Variants in ASAP1 observed in about 807,000 individuals in gnomAD.
ASAP1 encodes arf-GAP with SH3 domain, ANK repeat and PH domain-containing protein 1.
Under a neutral mutation model 145.2 loss-of-function variants are expected in ASAP1, and 43 were observed. The ratio of observed to expected loss-of-function variants is 0.30; its 90% CI spans 0.23 to 0.38. The LOEUF is 0.38. Ranked by LOEUF, ASAP1 falls within the 10% of genes least tolerant of loss-of-function variation. The probability of loss-of-function intolerance (pLI) is 1.00; values close to 1 mark genes in which losing one functional copy is unlikely to be tolerated. For synonymous variants in ASAP1, 546 were observed against 515.5 expected (o/e 1.06, Z -0.80); for missense variants, 1,018 against 1,355.3 (o/e 0.75, Z 3.91).
intron 5 of ASAP1, among the ~76,000 whole-genome samples, chr8:130,199,459 T>G (rs973750647): frequency 4.6e-5 from 7 of 152,172 alleles, no homozygotes; most frequent in Admixed American, 1.3e-4. Flanking sequence ...ACAGAAGAGT[T>G]AGAACTGCTC....
chr8:130,165,140 A>T (rs539781372), intron 11 of ASAP1, among the ~76,000 whole-genome samples: 102 of 152,338 alleles, frequency 6.7e-4, no homozygotes, highest in Middle Eastern at 6.8e-3. Context: ...TTCATCATGT[A>T]CACATTCCTT....
At chr8:130,184,157 T>C (rs1017398473) in intron 7 of ASAP1, among the ~76,000 whole-genome samples, 25 of 152,190 alleles carry the variant, frequency 1.6e-4, no homozygotes, top group Admixed American at 1.6e-3. Context: ...TCAATCCTAT[T>C]CTACCATTCA....
At chr8:130,179,950 T>G (rs1814231631) in intron 8 of ASAP1, among the ~76,000 whole-genome samples, 1 of 146,146 alleles carries the variant, frequency 6.8e-6, no homozygotes, top group African/African-American at 2.5e-5. Flanking sequence ...AGCCAAAGGG[T>G]TATGAAACAG....
Position 130,115,630 on chromosome 8 carries a change from T to C in ASAP1, c.2170A>G (p.Lys724Glu). 2 of 1,611,556 alleles carry C rather than the reference T, an allele frequency of 1.2e-6. No individual in the cohort carries two copies. The highest frequency in any genetic ancestry group is 1.7e-6 in the Non-Finnish European group (2 of 1,177,810). Reference sequence around the variant, plus strand: ...TCGAGGACATAATTTACACTCACTTTGTCATCCAGATCATCATCGCTCTCA... The same window carrying C: ...TCGAGGACATAATTTACACTCACTTCGTCATCCAGATCATCATCGCTCTCA... ...IDESDDDLDD[K>E]PSPIKKERSP... Residue 724 changes from lysine to glutamate, a missense_variant and splice_region_variant, in exon 23 of 30, where the codon AAA (lysine) becomes GAA (glutamate). Around this residue, in one of 9 missense-constraint regions of ASAP1, gnomAD observed 353 missense variants for 375.4 expected, o/e 0.94. Transcript: ENST00000518721.
chr8:130,151,327 C>A (rs934057839), intron 13 of ASAP1, among the ~76,000 whole-genome samples: 2 of 121,742 alleles, frequency 1.6e-5, no homozygotes, highest in African/African-American at 6.4e-5. Flanking sequence ...GCCAAGACTG[C>A]ACCACTGCAC....
chr8:130,114,743 T>C (rs1374739168), intron 23 of ASAP1, among the ~76,000 whole-genome samples: 1 of 151,828 alleles, frequency 6.6e-6, no homozygotes, highest in Non-Finnish European at 1.5e-5. Context: ...TGTTATTTAC[T>C]TACTAATTAC....
rs139783202 is a variant in ASAP1 at position 130,179,275 on chromosome 8, A to G, written c.735T>C (p.His245=). Reference sequence around the variant, plus strand: ...AATATTCTACTCACTTGCACTGTGCATGGTAATACTTTATAAGATTCTGCA... The same window carrying G: ...AATATTCTACTCACTTGCACTGTGCGTGGTAATACTTTATAAGATTCTGCA... ...DLLQNLIKYY[H]AQCNFFQDGL... The change falls in exon 9 of 30, where the codon CAT becomes CAC. Residue 245 remains histidine, a synonymous_variant. Coordinates refer to ENST00000518721, the MANE Select transcript of ASAP1 (RefSeq NM_018482.4). The G allele has an allele frequency of 4.4e-5, 70 of 1,602,872 alleles. No homozygotes were observed. The African/African-American group carries it at 7.8e-4, about 18-fold the overall frequency.
intron 3 of ASAP1, among the ~76,000 whole-genome samples, chr8:130,268,298 A>G (rs891063070): frequency 4.7e-4 from 72 of 151,986 alleles, no homozygotes; most frequent in African/African-American, 1.5e-3. Flanking sequence ...CCAGCCTGGG[A>G]AACACAGCAA....
chr8:130,054,915 T>G, intron 29 of ASAP1, 110 bp from the exon 30 acceptor site: 1 of 831,748 alleles, frequency 1.2e-6, no homozygotes, highest in Admixed American at 1.8e-5. Flanking sequence ...GGCGGTGGAA[T>G]CCCAGGCTTA....
In ASAP1 at chr8:130,358,229, G is replaced by A; in HGVS notation, c.60-86C>T. The stretch of plus-strand genomic sequence containing the variant: ...GGCCGCGGGCCGCCCGGAGGCTCAT[G>A]AACCCCGGCGCGCAGCCCGCCACCC... On this transcript the variant is annotated intron_variant, in intron 2 of 29. Coordinates refer to ENST00000518721, the MANE Select transcript of ASAP1 (RefSeq NM_018482.4). This position sits in a 1 kb window ranked among gnomAD's most constrained non-coding sequence, Gnocchi z 4.1. 1 of 1,089,500 alleles carries A rather than the reference G, an allele frequency of 9.2e-7. No individual in the cohort carries two copies. The highest frequency in any genetic ancestry group is 1.2e-6 in the Non-Finnish European group (1 of 863,222). 67.5% of individuals were successfully genotyped at this position (1,089,500 alleles called of 1,614,324 possible).
intron 2 of ASAP1, among the ~76,000 whole-genome samples, chr8:130,380,238 G>C (rs892589867): frequency 1.3e-5 from 2 of 152,216 alleles, no homozygotes; most frequent in African/African-American, 4.8e-5. Flanking sequence ...TGCAGAGCAG[G>C]TTACCACTGA....
At chr8:130,383,963 T>C (rs1827896870) in intron 2 of ASAP1, among the ~76,000 whole-genome samples, 1 of 152,226 alleles carries the variant, frequency 6.6e-6, no homozygotes, top group African/African-American at 2.4e-5. Flanking sequence ...TTTCCAGAAC[T>C]GGCCACCTGC....
intron 3 of ASAP1, among the ~76,000 whole-genome samples, chr8:130,264,756 G>C (rs984553989): frequency 2.0e-5 from 3 of 152,104 alleles, no homozygotes; most frequent in Non-Finnish European, 4.4e-5. Context: ...CTAGAAACAT[G>C]CCGGGTGACA....
intron 2 of ASAP1, among the ~76,000 whole-genome samples, chr8:130,393,877 T>C (rs138502536): frequency 0.096 from 14,571 of 152,254 alleles, 723 homozygotes; most frequent in Middle Eastern, 0.16. Context: ...ATTTCTTACA[T>C]CTGTCTTTAC....
Position 130,055,874 on chromosome 8 carries a change from G to A in ASAP1, c.3316-1069C>T, listed in dbSNP as rs749280226. Among the ~76,000 whole-genome samples the A allele has an allele frequency of 1.2e-4, 19 of 152,186 alleles. 1 individual carries two copies. Among genetic ancestry groups the A allele is most frequent in the Admixed American group, 1.2e-3 (18 of 15,278 alleles). Reference sequence around the variant, plus strand: ...TCCTGAAGGCTTGCCCACCCACCGCGTGTGGTCTTAGTTGGCATCATGCAT... The same window carrying A: ...TCCTGAAGGCTTGCCCACCCACCGCATGTGGTCTTAGTTGGCATCATGCAT... On this transcript the variant is annotated intron_variant, in intron 29 of 29. Transcript: ENST00000518721.
At chr8:130,323,965 G>GC (rs1288431157) in intron 3 of ASAP1, among the ~76,000 whole-genome samples, 1 of 152,178 alleles carries the variant, frequency 6.6e-6, no homozygotes, top group African/African-American at 2.4e-5. Context: ...TCCCAGAGCT[G>GC]CCAGGGCTTC....
intron 3 of ASAP1, among the ~76,000 whole-genome samples, chr8:130,267,516 T>C (rs1011797448): frequency 1.3e-5 from 2 of 152,224 alleles, no homozygotes; most frequent in African/African-American, 4.8e-5. Context: ...GTTAAGTACC[T>C]TGCCTGCAGT....
intron 3 of ASAP1, among the ~76,000 whole-genome samples, chr8:130,268,199 G>T (rs1820372782): frequency 6.6e-6 from 1 of 152,120 alleles, no homozygotes; most frequent in Admixed American, 6.6e-5. Context: ...AAATAAGACT[G>T]TATAGGCCTG....
intron 5 of ASAP1, among the ~76,000 whole-genome samples, chr8:130,190,268 G>A (rs1232211009): frequency 6.6e-6 from 1 of 152,080 alleles, no homozygotes; most frequent in African/African-American, 2.4e-5. Flanking sequence ...TTTTCTTCTG[G>A]TAGGTTCACA....
Sources: gnomAD v4.1 joint callset for allele counts (sites outside exome capture counted in the v4.1 genomes callset) on GRCh38, gnomAD v4.1.1 for gene constraint, gnomAD v4.1.1 regional missense constraint, Gnocchi (gnomAD v3.1) non-coding constraint, MANE v1.5 for transcripts, NCBI Gene and HGNC (gene_info 2026-07-23, HGNC 2026-07-21) for gene names.